Variants in COMMD1 observed in about 807,000 individuals in gnomAD.
COMMD1 encodes the protein COMM domain-containing protein 1.
COMMD1 carries 10 observed loss-of-function variants against 17.2 expected under a neutral mutation model. The observed-to-expected ratio is 0.58, with a 90% CI of 0.36 to 0.99. COMMD1 has a LOEUF of 0.99. Among genes scored for constraint, COMMD1 ranks in the 50% least tolerant of loss-of-function variants. The probability of loss-of-function intolerance (pLI) is 0.01; values close to 1 mark genes in which losing one functional copy is unlikely to be tolerated. For missense variants in COMMD1, 270 were observed against 231.8 expected, an observed-to-expected ratio of 1.17 and a Z score of -1.07; for synonymous variants, 97 against 91.6, an observed-to-expected ratio of 1.06 and a Z score of -0.34.
At chr2:62,004,957 T>G (rs1281576939) in intron 2 of COMMD1, among the ~76,000 whole-genome samples, 1 of 152,182 alleles carries the variant, frequency 6.6e-6, no homozygotes, top group Non-Finnish European at 1.5e-5. Flanking sequence ...GGTGTGTGTG[T>G]TTATGTCTAT....
rs1247940345 is a variant in COMMD1, at chr2:61,957,379, C to T, written c.181-43322C>T. 2.0e-5 allele frequency among the ~76,000 whole-genome samples: 3 copies of T among 152,090 alleles called. No homozygotes were observed. The South Asian group carries it at 6.2e-4, about 32-fold the overall frequency. On this transcript the variant is annotated intron_variant, in intron 1 of 2. Coordinates refer to ENST00000311832, the MANE Select transcript of COMMD1 (RefSeq NM_152516.4). ...CCATCAATTCCATGAAACTATATAG[C>T]TTTATAACTGTAAAATATTGCCATC...
chr2:61,888,760 C>T (rs1450736010), exon 1 of COMMD1: 3 of 516,418 alleles, frequency 5.8e-6, no homozygotes, highest in Admixed American at 7.4e-5. Flanking sequence ...CGAGATTGTA[C>T]GCCCGGGGCG....
At chr2:61,953,622 G>C (rs1431410873) in intron 1 of COMMD1, among the ~76,000 whole-genome samples, 1 of 151,598 alleles carries the variant, frequency 6.6e-6, no homozygotes. Flanking sequence ...TGCCCACCTC[G>C]GCTTCCCAAA....
chr2:62,050,877 T>C (rs1670516582), intron 2 of COMMD1, among the ~76,000 whole-genome samples: 1 of 152,150 alleles, frequency 6.6e-6, no homozygotes, highest in Non-Finnish European at 1.5e-5. Context: ...TCAGGACTTG[T>C]GAATCAAAAA....
chr2:62,094,410 G>T (rs906489141), intron 2 of COMMD1, among the ~76,000 whole-genome samples: 2 of 152,156 alleles, frequency 1.3e-5, no homozygotes, highest in African/African-American at 4.8e-5. Context: ...GTCAAGGAGG[G>T]TGCCCCCCTT....
intron 2 of COMMD1, among the ~76,000 whole-genome samples, chr2:62,086,661 C>A (rs1231766481): frequency 6.6e-6 from 1 of 152,106 alleles, no homozygotes; most frequent in African/African-American, 2.4e-5. Flanking sequence ...GACACACTAC[C>A]ATTTATTATT....
chr2:61,937,025 T>C (rs1670622886), intron 1 of COMMD1, among the ~76,000 whole-genome samples: 1 of 152,294 alleles, frequency 6.6e-6, no homozygotes, highest in East Asian at 1.9e-4. Context: ...AGGTCATACG[T>C]AGATTTAAAA....
chr2:61,902,721 G>A (rs942517616), upstream of COMMD1, among the ~76,000 whole-genome samples: 1 of 152,150 alleles, frequency 6.6e-6, no homozygotes, highest in African/African-American at 2.4e-5. Context: ...GGTAGTGTGT[G>A]CTCATATTCC....
chr2:61,954,187 C>T (rs571907786), intron 1 of COMMD1, among the ~76,000 whole-genome samples: 11 of 151,806 alleles, frequency 7.2e-5, no homozygotes, highest in African/African-American at 1.7e-4. Flanking sequence ...CCACCCTGGG[C>T]GACAGAGTGA....
At chr2:61,984,817 A>G (rs1390321871) in intron 1 of COMMD1, among the ~76,000 whole-genome samples, 2 of 152,094 alleles carry the variant, frequency 1.3e-5, no homozygotes, top group East Asian at 1.9e-4. Context: ...TATTTGCTTT[A>G]TATATCTGGG....
intron 1 of COMMD1, among the ~76,000 whole-genome samples, chr2:61,933,361 G>A (rs1670519854): frequency 6.6e-6 from 1 of 151,942 alleles, no homozygotes; most frequent in South Asian, 2.1e-4. Context: ...GCCAGCTGAA[G>A]TGTTTTTTTC....
At chr2:61,976,553 C>T (rs1382028355) in intron 1 of COMMD1, among the ~76,000 whole-genome samples, 1 of 152,130 alleles carries the variant, frequency 6.6e-6, no homozygotes, top group Non-Finnish European at 1.5e-5. Flanking sequence ...ATAGATGAAT[C>T]CACTATTTAT....
chr2:61,963,169 A>ATATATAT (rs1346419618), intron 1 of COMMD1, among the ~76,000 whole-genome samples: 28 of 143,504 alleles, frequency 2.0e-4, no homozygotes, highest in African/African-American at 6.7e-4. Flanking sequence ...CAAAAAAAAA[A>ATATATAT]ATATATATAT....
chr2:62,105,594 C>T (rs533039582), intron 2 of COMMD1, among the ~76,000 whole-genome samples: 36 of 152,180 alleles, frequency 2.4e-4, no homozygotes, highest in African/African-American at 6.5e-4. Context: ...GAGGCCAAGG[C>T]GAGTGGATCA....
chr2:62,085,565 T>C (rs1204265171), intron 2 of COMMD1, among the ~76,000 whole-genome samples: 2 of 152,032 alleles, frequency 1.3e-5, no homozygotes, highest in Admixed American at 6.6e-5. Context: ...TGGCTGGGCA[T>C]GGTGGCTCAT....
At chr2:62,061,554 C>CTTTTTTTT (rs57638195) in intron 2 of COMMD1, among the ~76,000 whole-genome samples, 6 of 131,550 alleles carry the variant, frequency 4.6e-5, no homozygotes, top group Non-Finnish European at 8.3e-5. Context: ...TCTTTCTTTT[C>CTTTTTTTT]TTTTTTTTTT....
chr2:62,088,441 T>C (rs1014061557), intron 2 of COMMD1, among the ~76,000 whole-genome samples: 1 of 152,250 alleles, frequency 6.6e-6, no homozygotes, highest in Non-Finnish European at 1.5e-5. Context: ...AATATGTTTT[T>C]CCCCATTTCT....
upstream of COMMD1, among the ~76,000 whole-genome samples, chr2:61,903,157 C>A (rs1669695542): frequency 6.6e-6 from 1 of 152,020 alleles, no homozygotes; most frequent in Admixed American, 6.6e-5. Flanking sequence ...GTAAAAAATG[C>A]CTCTGGCCAG....
At chr2:62,115,787 T>A (rs1672573790) in intron 2 of COMMD1, among the ~76,000 whole-genome samples, 1 of 151,538 alleles carries the variant, frequency 6.6e-6, no homozygotes, top group Admixed American at 6.6e-5. Flanking sequence ...TTGGTGAATC[T>A]GGGTAGAATA....
Sources: allele counts gnomAD v4.1 joint callset (sites outside exome capture counted in the v4.1 genomes callset), GRCh38; gene constraint gnomAD v4.1.1; transcripts MANE v1.5; gene names NCBI Gene and HGNC (gene_info 2026-07-23, HGNC 2026-07-21).